Variants in HOMER2 observed in about 807,000 individuals in gnomAD.
HOMER2 encodes homer protein homolog 2.
In HOMER2, 27 loss-of-function variants were observed where a neutral mutation model predicts 47.0. The ratio of observed to expected loss-of-function variants is 0.57; its 90% confidence interval spans 0.42 to 0.79. HOMER2 has a LOEUF of 0.79. Ranked by LOEUF, HOMER2 falls within the 30% of genes least tolerant of loss-of-function variation. The pLI, the probability that HOMER2 is intolerant of heterozygous loss-of-function variation, is 0.00. For synonymous variants in HOMER2, 161 were observed against 163.8 expected, an observed-to-expected ratio of 0.98 and a Z score of 0.13; for missense variants, 443 against 435.0, an observed-to-expected ratio of 1.02 and a Z score of -0.16.
At chr15:82,944,236 C>A (rs1057200950) in intron 1 of HOMER2, among the ~76,000 whole-genome samples, 2 of 152,120 alleles carry the variant, frequency 1.3e-5, no homozygotes, top group African/African-American at 2.4e-5. Flanking sequence ...TCCCATCCTG[C>A]CGTTCTTCCC....
rs569072094 is a variant in HOMER2 at position 82,892,588 on chromosome 15, TAAC to T, written c.162+94_162+96del. ...AACAGAATATGTTATACAGACATTA[TAAC>T]AATAACTTATGTGTTAAGACGGCAG... On this transcript the variant is annotated intron_variant, in intron 2 of 8. Transcript: ENST00000450735. 1.2e-4 allele frequency: 112 copies of T among 944,400 alleles called. No homozygotes were observed. The East Asian group carries it at 1.7e-3, about 15-fold the overall frequency. The allele number at this position is 944,400 out of a possible 1,614,324, so 58.5% of individuals were successfully genotyped here. A position where few individuals can be genotyped will look rare whatever the true frequency, so the allele number is the denominator to read the frequency against.
At chr15:82,920,448 C>T (rs1216282845) in intron 1 of HOMER2, among the ~76,000 whole-genome samples, 1 of 152,178 alleles carries the variant, frequency 6.6e-6, no homozygotes, top group Non-Finnish European at 1.5e-5. Context: ...CAAGGTGTCG[C>T]CAGGGCCATG....
chr15:82,938,083 C>T (rs1437894350), intron 1 of HOMER2, among the ~76,000 whole-genome samples: 1 of 152,150 alleles, frequency 6.6e-6, no homozygotes, highest in African/African-American at 2.4e-5. Context: ...GAAGAAAATG[C>T]CAGCTCAGCT....
chr15:82,862,338 T>C (rs1279622300), intron 4 of HOMER2, among the ~76,000 whole-genome samples: 1 of 152,156 alleles, frequency 6.6e-6, no homozygotes, highest in Non-Finnish European at 1.5e-5. Flanking sequence ...TATACATGTA[T>C]TTTTAAGGTT....
intron 1 of HOMER2, among the ~76,000 whole-genome samples, chr15:82,939,477 G>A (rs2054214359): frequency 6.6e-6 from 1 of 152,080 alleles, no homozygotes; most frequent in East Asian, 1.9e-4. Flanking sequence ...GACCAGCCTG[G>A]CCAACATGGC....
rs571656071 is a variant in HOMER2 at position 82,974,796 on chromosome 15, G to T, written n.82+10991C>A. Among the ~76,000 whole-genome samples, 63 of 152,226 alleles carry T rather than the reference G, an allele frequency of 4.1e-4. 2 individuals carry two copies. Among genetic ancestry groups the T allele is most frequent in the Admixed American group, 3.7e-3 (57 of 15,288 alleles). ...TTAAAAGAAGACATACAGGCCAGGCGTGGTGGCTCATACCAGTAATCCCAG... is the reference window on the plus strand; with the variant it reads ...TTAAAAGAAGACATACAGGCCAGGCTTGGTGGCTCATACCAGTAATCCCAG... On this transcript the variant is annotated intron_variant and non_coding_transcript_variant, in intron 1 of 1. Coordinates refer to the HOMER2 transcript ENST00000500334.
At position 82,849,982 on chromosome 15, in the gene HOMER2, A is replaced by G. The variant is rs571581116; in HGVS notation, c.844-79T>C. On this transcript the variant is annotated intron_variant, in intron 8 of 8. Transcript: ENST00000450735. ...TTCAAAACCTGCTACAGCTGAACCA[A>G]CCATTCTCCATCCAATCTGAGGGCC... is the stretch of plus-strand genomic sequence containing the variant. The G allele has an allele frequency of 4.0e-5, 57 of 1,418,078 alleles. No individual in the cohort carries two copies. In the Admixed American group the frequency reaches 1.0e-3, roughly 26 times the overall value. 87.8% of individuals were successfully genotyped at this position (1,418,078 alleles called of 1,614,324 possible).
chr15:82,851,744 A>G (rs2051403336), intron 7 of HOMER2, among the ~76,000 whole-genome samples: 1 of 152,240 alleles, frequency 6.6e-6, no homozygotes, highest in Non-Finnish European at 1.5e-5. Flanking sequence ...CCTGGGCAAC[A>G]TAATGAGACT....
chr15:82,852,062 G>A (rs1343377481), intron 7 of HOMER2, 80 bp downstream of exon 7: 8 of 897,924 alleles, frequency 8.9e-6, no homozygotes, highest in Admixed American at 4.4e-5. Context: ...GCCAGTCATA[G>A]GCCCCAAGAC....
At chr15:82,865,541 A>T (rs2051938292) in intron 3 of HOMER2, among the ~76,000 whole-genome samples, 1 of 152,256 alleles carries the variant, frequency 6.6e-6, no homozygotes, top group South Asian at 2.1e-4. Context: ...ATCTAAGAAA[A>T]AGATTTTGTT....
chr15:82,876,750 T>C (rs981518817), intron 2 of HOMER2, among the ~76,000 whole-genome samples: 18 of 152,228 alleles, frequency 1.2e-4, no homozygotes, highest in African/African-American at 4.1e-4. Flanking sequence ...TTGTAACTGA[T>C]AAAACAGAGA....
chr15:82,946,632 C>G (rs2054388295), intron 1 of HOMER2, among the ~76,000 whole-genome samples: 1 of 152,136 alleles, frequency 6.6e-6, no homozygotes. Context: ...AATCTCTATC[C>G]TACTGCAACA....
Position 82,912,400 on chromosome 15 carries a change from T to C in HOMER2, c.6-19559A>G, listed in dbSNP as rs577890299. Reference sequence around the variant, plus strand: ...GCGTAATATTTCTGAGGTTGATCCATGTCAATATATATCAGTGTTTCATTC... The same window carrying C: ...GCGTAATATTTCTGAGGTTGATCCACGTCAATATATATCAGTGTTTCATTC... On this transcript the variant is annotated intron_variant, in intron 1 of 8. Transcript: ENST00000450735. 2.6e-5 allele frequency among the ~76,000 whole-genome samples: 4 copies of C among 152,372 alleles called. No homozygotes were observed. In the East Asian group the frequency reaches 5.8e-4, roughly 22 times the overall value.
intron 1 of HOMER2, among the ~76,000 whole-genome samples, chr15:82,948,654 C>G (rs2054435348): frequency 6.6e-6 from 1 of 152,180 alleles, no homozygotes; most frequent in African/African-American, 2.4e-5. Context: ...AGGGGTGACC[C>G]TGAGGCCAAA....
chr15:82,942,636 G>T (rs575866898), intron 1 of HOMER2, among the ~76,000 whole-genome samples: 1 of 152,320 alleles, frequency 6.6e-6, no homozygotes, highest in East Asian at 1.9e-4. Flanking sequence ...TAATCAATGA[G>T]GAGCTCCCTG....
chr15:82,978,631 C>A (rs1350515141), intron 1 of HOMER2, among the ~76,000 whole-genome samples: 2 of 152,064 alleles, frequency 1.3e-5, no homozygotes, highest in East Asian at 3.9e-4. Context: ...TCCAACAAAC[C>A]CCGTGTGTTG....
intron 1 of HOMER2, among the ~76,000 whole-genome samples, chr15:82,945,621 T>A (rs1347846064): frequency 6.6e-6 from 1 of 151,944 alleles, no homozygotes; most frequent in Admixed American, 6.5e-5. Flanking sequence ...AGTTTTTTTA[T>A]AATTAGAAAA....
At chr15:82,931,621 G>A (rs1184478336) in intron 1 of HOMER2, among the ~76,000 whole-genome samples, 3 of 150,622 alleles carry the variant, frequency 2.0e-5, no homozygotes, top group Non-Finnish European at 2.9e-5. Context: ...GGCAGATCAC[G>A]AGGTCAGGAG....
intron 5 of HOMER2, among the ~76,000 whole-genome samples, chr15:82,857,171 A>G (rs917994994): frequency 1.3e-5 from 2 of 151,990 alleles, no homozygotes; most frequent in African/African-American, 4.8e-5. Flanking sequence ...ATCTTTATGA[A>G]TGGGATCCAG....
Sources: allele counts gnomAD v4.1 joint callset (sites outside exome capture counted in the v4.1 genomes callset), GRCh38; gene constraint gnomAD v4.1.1; transcripts MANE v1.5; gene names NCBI Gene and HGNC (gene_info 2026-07-23, HGNC 2026-07-21).